The following FGF1 variants were observed in gnomAD, a reference collection of about 807,000 sequenced individuals.
The protein encoded by FGF1 is beta-endothelial cell growth factor.
Under a neutral mutation model 13.4 loss-of-function variants are expected in FGF1, and 9 were observed. The observed-to-expected ratio is 0.67, with a 90% confidence interval of 0.40 to 1.17. The LOEUF (loss-of-function observed/expected upper bound fraction) is 1.17. Among genes scored for constraint, FGF1 ranks in the 50% most tolerant of loss-of-function variants. The pLI, the probability that FGF1 is intolerant of heterozygous loss-of-function variation, is 0.01. For synonymous variants in FGF1, 93 were observed against 79.0 expected (o/e 1.18, Z -0.94); for missense variants, 156 against 192.7 (o/e 0.81, Z 1.13).
At chr5:142,621,244 A>G (rs1761533419) in intron 1 of FGF1, 1 of 152,210 alleles carries the variant, frequency 6.6e-6, no homozygotes, top group Non-Finnish European at 1.5e-5. Flanking sequence ...TAACCCTGTG[A>G]CTTTTTCTCT....
chr5:142,599,152 T>C (rs1164475354), intron 3 of FGF1, among the ~76,000 whole-genome samples: 1 of 152,064 alleles, frequency 6.6e-6, no homozygotes, highest in East Asian at 1.9e-4. Flanking sequence ...CTTGCCAGAG[T>C]GGCAGAGGCG....
chr5:142,690,555 A>G (rs1303132704), upstream of FGF1, among the ~76,000 whole-genome samples: 3 of 152,312 alleles, frequency 2.0e-5, no homozygotes, highest in East Asian at 5.8e-4. Flanking sequence ...ATTACTGTGC[A>G]CAATGTCCTG....
In FGF1 at chr5:142,600,886, A is replaced by G. The variant is rs919875835; in HGVS notation, c.170-81T>C. On this transcript the variant is annotated intron_variant, in intron 2 of 3. Transcript: ENST00000337706. ...GACCCGGCAGCCAGGACAGTTGGCC[A>G]TGGAAAATTCTGCTCATTCATTTCA... 9.9e-6 allele frequency: 10 copies of G among 1,011,286 alleles called. No homozygotes were observed. In the Admixed American group the frequency reaches 1.6e-4, roughly 16 times the overall value. The allele number at this position is 1,011,286 out of a possible 1,614,324, so 62.6% of individuals were successfully genotyped here.
chr5:142,605,335 G>A (rs1449766172), intron 2 of FGF1, among the ~76,000 whole-genome samples: 2 of 149,044 alleles, frequency 1.3e-5, no homozygotes, highest in Non-Finnish European at 3.0e-5. Flanking sequence ...TGGCCAGGAT[G>A]GTCTTAAACT....
At chr5:142,614,822 G>A (rs1759865455) in intron 1 of FGF1, among the ~76,000 whole-genome samples, 1 of 152,092 alleles carries the variant, frequency 6.6e-6, no homozygotes, top group South Asian at 2.1e-4. Flanking sequence ...CATATCAAAG[G>A]AAATGTTATG....
At chr5:142,608,122 C>G (rs759160192) in intron 2 of FGF1, among the ~76,000 whole-genome samples, 2 of 152,206 alleles carry the variant, frequency 1.3e-5, no homozygotes, top group African/African-American at 2.4e-5. Context: ...GCTATCCTAG[C>G]ATCTTCCTGT....
chr5:142,696,670 C>T (rs1753158070), intron 2 of FGF1, among the ~76,000 whole-genome samples: 1 of 152,218 alleles, frequency 6.6e-6, no homozygotes, highest in African/African-American at 2.4e-5. Context: ...ATGCCATCAT[C>T]TAGGCCCCTG....
At chr5:142,646,208 CTTTT>C (rs762008952) in intron 1 of FGF1, among the ~76,000 whole-genome samples, 4 of 54,944 alleles carry the variant, frequency 7.3e-5, no homozygotes, top group Non-Finnish European at 1.3e-4. Flanking sequence ...CGCACCTGGC[CTTTT>C]TTTTTTTTTT....
chr5:142,671,779 T>C (rs1370105483), intron 1 of FGF1: 1 of 152,258 alleles, frequency 6.6e-6, no homozygotes, highest in African/African-American at 2.4e-5. Flanking sequence ...TCTGCACATT[T>C]GTTTCATTCC....
chr5:142,611,303 C>T (rs79894996), intron 2 of FGF1, among the ~76,000 whole-genome samples: 2,402 of 152,300 alleles, frequency 0.016, 65 homozygotes, highest in African/African-American at 0.054. Context: ...GGACTCCTCT[C>T]ACCTGCAGAA....
At chr5:142,642,444 A>G (rs1765352642) in intron 1 of FGF1, among the ~76,000 whole-genome samples, 1 of 152,208 alleles carries the variant, frequency 6.6e-6, no homozygotes, top group Admixed American at 6.5e-5. Flanking sequence ...CTTTGTTTGC[A>G]TCAGCAAACC....
chr5:142,602,156 C>T (rs1473792373), intron 2 of FGF1, among the ~76,000 whole-genome samples: 1 of 151,190 alleles, frequency 6.6e-6, no homozygotes, highest in African/African-American at 2.4e-5. Flanking sequence ...CCCCTCATTG[C>T]CTTTTCTTTG....
chr5:142,660,071 G>T (rs924985641), intron 1 of FGF1, among the ~76,000 whole-genome samples: 2 of 152,202 alleles, frequency 1.3e-5, no homozygotes, highest in East Asian at 3.8e-4. Context: ...AGTGTCACAC[G>T]TTTTCTCACA....
chr5:142,655,717 A>G (rs1246996621), intron 1 of FGF1, among the ~76,000 whole-genome samples: 3 of 152,248 alleles, frequency 2.0e-5, no homozygotes, highest in African/African-American at 7.2e-5. Context: ...GAGAAAGAAC[A>G]TCTTGGGGTT....
At chr5:142,648,038 T>TCGTGC (rs926748940) in intron 1 of FGF1, among the ~76,000 whole-genome samples, 13 of 152,172 alleles carry the variant, frequency 8.5e-5, no homozygotes, top group African/African-American at 2.9e-4. Flanking sequence ...TGAGCCTAGA[T>TCGTGC]CGTGCCACTG....
chr5:142,621,603 C>CCTTTA (rs1393510455), intron 1 of FGF1, among the ~76,000 whole-genome samples: 3 of 152,154 alleles, frequency 2.0e-5, no homozygotes, highest in African/African-American at 7.2e-5. Flanking sequence ...GACAGCATTT[C>CCTTTA]CTTTACTTCA....
intron 1 of FGF1, among the ~76,000 whole-genome samples, chr5:142,669,410 C>A (rs1231954998): frequency 6.6e-6 from 1 of 152,176 alleles, no homozygotes; most frequent in East Asian, 1.9e-4. Flanking sequence ...CCCAGCACAG[C>A]CCCTGGGGCT....
At chr5:142,614,602 G>A (rs555069582) in intron 1 of FGF1, among the ~76,000 whole-genome samples, 17 of 152,288 alleles carry the variant, frequency 1.1e-4, no homozygotes, top group African/African-American at 2.9e-4. Context: ...CTCACGTTGC[G>A]TTGGTGAGGT....
intron 2 of FGF1, among the ~76,000 whole-genome samples, chr5:142,605,391 G>GA (rs1302617561): frequency 7.9e-5 from 12 of 151,946 alleles, no homozygotes; most frequent in African/African-American, 2.9e-4. Context: ...AAAATGCCGG[G>GA]ATTACAGGCA....
Sources: allele counts gnomAD v4.1 joint callset (sites outside exome capture counted in the v4.1 genomes callset), GRCh38; gene constraint gnomAD v4.1.1; transcripts MANE v1.5; gene names NCBI Gene and HGNC (gene_info 2026-07-23, HGNC 2026-07-21).